The following EYS variants were observed in gnomAD, a reference collection of about 807,000 sequenced individuals.
EYS encodes EGF-like photoreceptor maintenance factor.
EYS carries 250 observed loss-of-function variants against 282.1 expected under a neutral mutation model. The observed-to-expected ratio is 0.89, with a 90% confidence interval of 0.80 to 0.98. EYS has a LOEUF of 0.98. Ranked by LOEUF, EYS falls within the 50% of genes least tolerant of loss-of-function variation. The probability of loss-of-function intolerance (pLI) is 0.00; values close to 1 mark genes in which losing one functional copy is unlikely to be tolerated. For missense variants in EYS, 4,016 were observed against 3,709.0 expected, an observed-to-expected ratio of 1.08 and a Z score of -2.15; for synonymous variants, 1,355 against 1,282.9, an observed-to-expected ratio of 1.06 and a Z score of -1.20.
At chr6:65,481,132 G>T (rs1765592557) in intron 5 of EYS, among the ~76,000 whole-genome samples, 1 of 152,090 alleles carries the variant, frequency 6.6e-6, no homozygotes, top group African/African-American at 2.4e-5. Context: ...ACAACACAAA[G>T]AAATGATAAA....
chr6:64,108,532 A>C (rs1266867565), intron 31 of EYS, among the ~76,000 whole-genome samples: 2 of 133,932 alleles, frequency 1.5e-5, no homozygotes, highest in South Asian at 2.2e-4. Context: ...TTTTTTGAGA[A>C]GATAGCTGAA....
At chr6:64,120,560 T>C (rs1207295513) in intron 31 of EYS, among the ~76,000 whole-genome samples, 1 of 151,948 alleles carries the variant, frequency 6.6e-6, no homozygotes, top group African/African-American at 2.4e-5. Flanking sequence ...ATTTGAGATA[T>C]GAATGTCATT....
At chr6:63,826,574 T>C (rs373265521) in intron 36 of EYS, among the ~76,000 whole-genome samples, 7 of 152,046 alleles carry the variant, frequency 4.6e-5, no homozygotes, top group Non-Finnish European at 7.4e-5. Context: ...CTAGAAGGGA[T>C]TGGGGACCCA....
chr6:64,470,836 C>T (rs1449782471), intron 26 of EYS, among the ~76,000 whole-genome samples: 1 of 152,044 alleles, frequency 6.6e-6, no homozygotes, highest in African/African-American at 2.4e-5. Flanking sequence ...ACATATGGGA[C>T]ACCATAAAGA....
chr6:64,246,291 G>T (rs902651783), intron 30 of EYS, among the ~76,000 whole-genome samples: 2 of 150,616 alleles, frequency 1.3e-5, no homozygotes, highest in Non-Finnish European at 2.9e-5. Context: ...CTCTTTGTTA[G>T]CATGAACGTT....
At chr6:65,223,167 C>T (rs958106947) in intron 12 of EYS, among the ~76,000 whole-genome samples, 25 of 151,918 alleles carry the variant, frequency 1.6e-4, no homozygotes, top group African/African-American at 5.6e-4. Context: ...AAGAAACTGC[C>T]GACCAGCCTG....
chr6:65,209,932 T>C (rs1368362537), intron 12 of EYS, among the ~76,000 whole-genome samples: 1 of 151,968 alleles, frequency 6.6e-6, no homozygotes, highest in African/African-American at 2.4e-5. Context: ...AAGTCTGTAT[T>C]GCATCCAGCA....
At chr6:64,196,607 A>T (rs1180435445) in intron 31 of EYS, among the ~76,000 whole-genome samples, 4 of 152,090 alleles carry the variant, frequency 2.6e-5, no homozygotes, top group Admixed American at 2.6e-4. Context: ...ACATGGATGA[A>T]ATTGGAAATC....
At chr6:65,336,984 C>A (rs1358231959) in intron 10 of EYS, among the ~76,000 whole-genome samples, 2 of 151,494 alleles carry the variant, frequency 1.3e-5, no homozygotes, top group Middle Eastern at 3.4e-3. Context: ...AAAATCATTT[C>A]TCTGCATATT....
At chr6:65,215,419 G>A (rs1051825279) in intron 12 of EYS, among the ~76,000 whole-genome samples, 1 of 152,178 alleles carries the variant, frequency 6.6e-6, no homozygotes, top group African/African-American at 2.4e-5. Flanking sequence ...CTAAAGATGC[G>A]ATTGAACTGC....
At chr6:64,390,668 T>TG (rs1408162358) in intron 28 of EYS, among the ~76,000 whole-genome samples, 2 of 148,334 alleles carry the variant, frequency 1.3e-5, no homozygotes, top group African/African-American at 2.6e-5. Flanking sequence ...ACCACAAAGA[T>TG]GGGGAAAAAA....
At chr6:64,625,226 A>T (rs889602813) in intron 23 of EYS, among the ~76,000 whole-genome samples, 5 of 152,204 alleles carry the variant, frequency 3.3e-5, no homozygotes, top group Non-Finnish European at 5.9e-5. Context: ...GAAGGAAAAA[A>T]ATGCATGATC....
intron 22 of EYS, among the ~76,000 whole-genome samples, chr6:64,809,454 A>G (rs1274784199): frequency 6.6e-6 from 1 of 152,108 alleles, no homozygotes; most frequent in Non-Finnish European, 1.5e-5. Context: ...AAGTTTGAGA[A>G]GTAAATAAAA....
intron 5 of EYS, among the ~76,000 whole-genome samples, chr6:65,423,783 CATA>C (rs760606684): frequency 6.6e-6 from 1 of 151,958 alleles, no homozygotes; most frequent in Non-Finnish European, 1.5e-5. Flanking sequence ...TCTATTCTTT[CATA>C]ATATTTTCCT....
In EYS at chr6:64,655,562, A is replaced by C. The variant is rs573913505; in HGVS notation, c.3444-29317T>G. ...GGGAAACAGACATATCAATAAAGATAATGTTTGCTATATATATGTGTCTTA... is the reference window on the plus strand; with the variant it reads ...GGGAAACAGACATATCAATAAAGATCATGTTTGCTATATATATGTGTCTTA... On this transcript the variant is annotated intron_variant, in intron 22 of 42. Transcript: ENST00000503581. 3.5e-4 allele frequency among the ~76,000 whole-genome samples: 54 copies of C among 152,180 alleles called. 1 individual carries two copies. The South Asian group carries it at 8.3e-3, about 23-fold the overall frequency.
intron 7 of EYS, among the ~76,000 whole-genome samples, chr6:65,397,584 GT>G (rs1278502169): frequency 0.097 from 30 of 308 alleles, no homozygotes; most frequent in African/African-American, 0.23. Flanking sequence ...GTATTTCATG[GT>G]GTGTGTGTGT....
At chr6:65,149,712 A>G (rs1764565949) in intron 12 of EYS, among the ~76,000 whole-genome samples, 1 of 152,084 alleles carries the variant, frequency 6.6e-6, no homozygotes, top group Non-Finnish European at 1.5e-5. Context: ...GAGCCCTCCA[A>G]ACTATTCCAA....
intron 28 of EYS, among the ~76,000 whole-genome samples, chr6:64,405,875 A>G (rs1773690788): frequency 6.6e-6 from 1 of 152,346 alleles, no homozygotes; most frequent in East Asian, 1.9e-4. Context: ...GGAAGAAGCA[A>G]TATCGTGAAA....
At chr6:65,216,165 G>C (rs527846489) in intron 12 of EYS, among the ~76,000 whole-genome samples, 1 of 151,948 alleles carries the variant, frequency 6.6e-6, no homozygotes, top group Admixed American at 6.6e-5. Context: ...AAGGACAAAA[G>C]CAAATATTAT....
Sources: allele counts gnomAD v4.1 joint callset (sites outside exome capture counted in the v4.1 genomes callset), GRCh38; gene constraint gnomAD v4.1.1; transcripts MANE v1.5; gene names NCBI Gene and HGNC (gene_info 2026-07-23, HGNC 2026-07-21).